Variants in FBXO15 observed in about 807,000 individuals in gnomAD.
The protein encoded by FBXO15 is F-box protein 15.
Under a neutral mutation model 49.5 loss-of-function variants are expected in FBXO15, and 30 were observed. The observed-to-expected ratio is 0.61, with a 90% CI of 0.45 to 0.82. The LOEUF (loss-of-function observed/expected upper bound fraction) is 0.82, where lower values mean the gene tolerates loss of function less well. FBXO15 is among the 40% of genes least tolerant of loss of function. The pLI is 0.00. For synonymous variants in FBXO15, 250 were observed against 232.7 expected (o/e 1.07, Z -0.68); for missense variants, 591 against 631.5 (o/e 0.94, Z 0.69).
chr18:74,124,137 G>A (rs1914598776), intron 7 of FBXO15, among the ~76,000 whole-genome samples: 1 of 152,070 alleles, frequency 6.6e-6, no homozygotes, highest in Non-Finnish European at 1.5e-5. Flanking sequence ...TCATCCGCAG[G>A]CCAGGTTCAG....
At chr18:74,089,226 T>G (rs1389562077) in intron 8 of FBXO15, among the ~76,000 whole-genome samples, 2 of 152,172 alleles carry the variant, frequency 1.3e-5, no homozygotes. Context: ...TGTTCTTGAT[T>G]TGGCTGTCAG....
chr18:74,077,412 C>A (rs1471366783), intron 9 of FBXO15, among the ~76,000 whole-genome samples: 2 of 152,156 alleles, frequency 1.3e-5, no homozygotes, highest in Non-Finnish European at 2.9e-5. Context: ...CACGCCAGAG[C>A]CTAAGGCCCC....
At chr18:74,137,240 C>A (rs1048139679) in intron 2 of FBXO15, among the ~76,000 whole-genome samples, 2 of 152,144 alleles carry the variant, frequency 1.3e-5, no homozygotes, top group African/African-American at 4.8e-5. Flanking sequence ...TAGATCCTTG[C>A]AATGAGAAAA....
intron 5 of FBXO15, among the ~76,000 whole-genome samples, chr18:74,128,576 G>T (rs778189724): frequency 3.9e-5 from 6 of 152,200 alleles, no homozygotes; most frequent in Non-Finnish European, 5.9e-5. Context: ...ACCAACGCAG[G>T]AGAAGGCAGG....
rs780662221 is a variant in FBXO15, at chr18:74,124,489, A to AGG, written c.994_995insCC (p.Ile332ThrfsTer57). On this transcript the variant is annotated frameshift_variant and splice_region_variant, in exon 7 of 10. Coordinates refer to ENST00000419743, the MANE Select transcript of FBXO15 (RefSeq NM_001142958.2). LOFTEE classifies it high-confidence loss of function. ...AACACACCCACATATAAATACATAC[A>AGG]TAGTAGCCGAGCCTAATGTGCTCCT... 1 of 1,613,496 alleles carries AGG rather than the reference A, an allele frequency of 6.2e-7. No individual in the cohort carries two copies. The highest frequency in any genetic ancestry group is 1.1e-5 in the South Asian group (1 of 91,032).
intron 5 of FBXO15, among the ~76,000 whole-genome samples, chr18:74,127,997 A>G (rs1364712701): frequency 6.6e-6 from 1 of 152,208 alleles, no homozygotes; most frequent in Non-Finnish European, 1.5e-5. Flanking sequence ...CGTAATTTTG[A>G]AATGCATAAA....
chr18:74,107,933 C>A (rs1913842790), intron 8 of FBXO15, among the ~76,000 whole-genome samples: 1 of 152,080 alleles, frequency 6.6e-6, no homozygotes, highest in South Asian at 2.1e-4. Flanking sequence ...ACTGCAGCCC[C>A]CTCTCTCTAG....
intron 8 of FBXO15, among the ~76,000 whole-genome samples, chr18:74,093,342 G>A (rs1463005523): frequency 6.6e-6 from 1 of 152,064 alleles, no homozygotes; most frequent in East Asian, 1.9e-4. Flanking sequence ...AATGCATGTG[G>A]CTGGTGCGTG....
chr18:74,141,015 T>G (rs1806929083), intron 1 of FBXO15, among the ~76,000 whole-genome samples: 2 of 152,204 alleles, frequency 1.3e-5, no homozygotes, highest in African/African-American at 4.8e-5. Context: ...TCCACAAACT[T>G]TTACATTTTA....
chr18:74,092,087 C>T (rs1913055757), intron 8 of FBXO15, among the ~76,000 whole-genome samples: 1 of 151,892 alleles, frequency 6.6e-6, no homozygotes, highest in Admixed American at 6.6e-5. Context: ...CTTGTTTTTT[C>T]CTTATTTTTG....
chr18:74,107,460 A>C (rs1913818932), intron 8 of FBXO15, among the ~76,000 whole-genome samples: 1 of 152,204 alleles, frequency 6.6e-6, no homozygotes, highest in Admixed American at 6.5e-5. Context: ...AACAAGTAAA[A>C]ATCAAGTCTT....
chr18:74,111,411 G>A (rs1454927788), intron 8 of FBXO15, among the ~76,000 whole-genome samples: 1 of 151,988 alleles, frequency 6.6e-6, no homozygotes, highest in East Asian at 1.9e-4. Flanking sequence ...CTTGGAGACT[G>A]AATAACAGAT....
intron 8 of FBXO15, among the ~76,000 whole-genome samples, chr18:74,100,913 T>C (rs1265468700): frequency 2.0e-5 from 3 of 152,056 alleles, no homozygotes; most frequent in Admixed American, 2.0e-4. Flanking sequence ...GAAATGGTAA[T>C]TTAAAAATTA....
intron 8 of FBXO15, among the ~76,000 whole-genome samples, chr18:74,105,797 C>T (rs1235550820): frequency 6.6e-6 from 1 of 151,860 alleles, no homozygotes; most frequent in East Asian, 1.9e-4. Context: ...AAACAAAGAA[C>T]AATAAAGCAA....
intron 8 of FBXO15, among the ~76,000 whole-genome samples, chr18:74,109,207 T>C (rs1913900199): frequency 6.6e-6 from 1 of 152,146 alleles, no homozygotes; most frequent in African/African-American, 2.4e-5. Context: ...AAGACATTTA[T>C]ACAGCCAATA....
rs139030184 is a variant in FBXO15 at position 74,083,018 on chromosome 18, T to C, written c.1139-967A>G. On this transcript the variant is annotated intron_variant, in intron 8 of 9. Transcript: ENST00000419743. ...TATACAGTGTTCTCCAACTTCAGTGTCACCAGAAGGTTAAAGCCCACACTT... is the reference window on the plus strand; with the variant it reads ...TATACAGTGTTCTCCAACTTCAGTGCCACCAGAAGGTTAAAGCCCACACTT... Among the ~76,000 whole-genome samples the C allele has an allele frequency of 3.2e-3, 481 of 152,332 alleles. 4 individuals carry two copies. The highest frequency in any genetic ancestry group is 0.011 in the African/African-American group (455 of 41,582).
chr18:74,139,595 C>CTGCAATA (rs1978938712), intron 2 of FBXO15, among the ~76,000 whole-genome samples: 1 of 152,216 alleles, frequency 6.6e-6, no homozygotes, highest in South Asian at 2.1e-4. Flanking sequence ...TCACACAGTT[C>CTGCAATA]TGCAATATGC....
rs1009916498 is a variant in FBXO15, at chr18:74,086,390, T to C, written c.1139-4339A>G. Among the ~76,000 whole-genome samples, 5 of 152,190 alleles carry C rather than the reference T, an allele frequency of 3.3e-5. No homozygotes were observed. In the East Asian group the frequency reaches 5.8e-4, roughly 18 times the overall value. ...TAACTTGTTTTTCATACCCTTGACA[T>C]TTTCTATTGTGTCTTACAGAGTAAG... On this transcript the variant is annotated intron_variant, in intron 8 of 9. Transcript: ENST00000419743.
chr18:74,099,820 G>A (rs1913432135), intron 8 of FBXO15: 1 of 152,010 alleles, frequency 6.6e-6, no homozygotes, highest in Non-Finnish European at 1.5e-5. Context: ...AAGACAAAGG[G>A]GGACATTATG....
Sources: gnomAD v4.1 joint callset for allele counts (sites outside exome capture counted in the v4.1 genomes callset) on GRCh38, gnomAD v4.1.1 for gene constraint, MANE v1.5 for transcripts, NCBI Gene and HGNC (gene_info 2026-07-23, HGNC 2026-07-21) for gene names.